LRRK2: variants seen among roughly 807,000 people sequenced by gnomAD.
LRRK2 encodes the protein leucine rich repeat kinase 2.
Under a neutral mutation model 302.6 loss-of-function variants are expected in LRRK2, and 203 were observed. The observed-to-expected ratio is 0.67, with a 90% CI of 0.60 to 0.75. The LOEUF is 0.75. Among genes scored for constraint, LRRK2 ranks in the 30% least tolerant of loss-of-function variants. The pLI is 0.00. For synonymous variants in LRRK2, 1,066 were observed against 1,031.9 expected (o/e 1.03, Z -0.63); for missense variants, 2,830 against 2,951.0 (o/e 0.96, Z 0.95).
chr12:40,290,661 G>A (rs1944109855), intron 20 of LRRK2, among the ~76,000 whole-genome samples: 1 of 151,908 alleles, frequency 6.6e-6, no homozygotes, highest in African/African-American at 2.4e-5. Context: ...CATATAAGTT[G>A]CCAAATTTAT....
chr12:40,304,409 A>G (rs980941798), intron 27 of LRRK2: 2 of 519,540 alleles, frequency 3.8e-6, no homozygotes, highest in Non-Finnish European at 6.8e-6. Context: ...TAATACTTCC[A>G]CTAAACAATA....
At position 40,351,902 on chromosome 12, in the gene LRRK2, A is replaced by G. The variant is rs562496268; in HGVS notation, c.6576+169A>G. Among the ~76,000 whole-genome samples the G allele has an allele frequency of 5.3e-5, 8 of 152,328 alleles. No homozygotes were observed. In the South Asian group the frequency reaches 1.7e-3, roughly 32 times the overall value. On this transcript the variant is annotated intron_variant, in intron 44 of 50. Coordinates refer to ENST00000298910, the MANE Select transcript of LRRK2 (RefSeq NM_198578.4). ...GTGTTTTGCTTTAGAATCACAGCAT[A>G]TGTCTTAGCTCAGGGTCCCTAGAAA...
rs781408414 is a variant in LRRK2, at chr12:40,298,363, T to G, written c.3217T>G (p.Ser1073Ala). 1.2e-6 allele frequency: 2 copies of G among 1,614,012 alleles called. No individual in the cohort carries two copies. The highest frequency in any genetic ancestry group is 1.7e-6 in the Non-Finnish European group (2 of 1,179,962). ...TGTCTCTCGAAATGACATTGGACCC[T>G]CAGTGGTTTTAGATCCTACAGTGAA... ...LDVSRNDIGP[S>A]VVLDPTVKCP... Residue 1073 changes from serine (S) to alanine (A), a missense_variant, in exon 24 of 51, where the codon TCA (serine) becomes GCA (alanine). Physicochemically the swap from Ser to Ala is moderately conservative, Grantham distance 99. Transcript: ENST00000298910.
rs746701556 is a variant in LRRK2 at position 40,304,035 on chromosome 12, A to G, written c.3678A>G (p.Leu1226=). The G allele has an allele frequency of 4.3e-6, 7 of 1,613,772 alleles. No individual in the cohort carries two copies. The Admixed American group carries it at 1.2e-4, about 27-fold the overall frequency. The change falls in exon 27 of 51, where the codon TTA becomes TTG. Residue 1226 remains leucine (L), a synonymous_variant. Transcript: ENST00000298910. Reference sequence around the variant, plus strand: ...AATCTTTGAACTTAAGGGAACTCTTATTTAGCCATAATCAGATCAGCATCT... The same window carrying G: ...AATCTTTGAACTTAAGGGAACTCTTGTTTAGCCATAATCAGATCAGCATCT... ...HWKSLNLREL[L]FSHNQISILD...
At chr12:40,252,175 A>G (rs1200559357) in intron 10 of LRRK2, among the ~76,000 whole-genome samples, 1 of 152,184 alleles carries the variant, frequency 6.6e-6, no homozygotes, top group African/African-American at 2.4e-5. Flanking sequence ...CTGATTGATT[A>G]TACTTGTGCT....
intron 3 of LRRK2, 155 bp downstream of exon 3, chr12:40,232,538 T>C (rs1460317728): frequency 3.1e-6 from 2 of 642,576 alleles, no homozygotes; most frequent in South Asian, 1.8e-5. Context: ...TTTACATTTA[T>C]AGAGAGCTTT....
chr12:40,300,789 A>G (rs1372466906), intron 25 of LRRK2: 2 of 471,142 alleles, frequency 4.2e-6, no homozygotes, highest in Admixed American at 2.3e-5. Context: ...GTAATTTTAT[A>G]TTGTGGTGCC....
intron 40 of LRRK2, among the ~76,000 whole-genome samples, chr12:40,338,344 T>A (rs917171990): frequency 3.3e-5 from 5 of 152,166 alleles, no homozygotes; most frequent in African/African-American, 7.2e-5. Flanking sequence ...GTCAAATAAA[T>A]GAATGCATTC....
At chr12:40,308,023 G>A (rs888851576) in intron 28 of LRRK2, among the ~76,000 whole-genome samples, 16 of 151,760 alleles carry the variant, frequency 1.1e-4, no homozygotes, top group Non-Finnish European at 1.3e-4. Flanking sequence ...CTCATGATCC[G>A]CCCACCTCGG....
intron 33 of LRRK2, among the ~76,000 whole-genome samples, 166 bp downstream of exon 33, chr12:40,315,466 A>C (rs973486957): frequency 6.6e-6 from 1 of 152,082 alleles, no homozygotes; most frequent in Non-Finnish European, 1.5e-5. Context: ...GAAGAGCTTC[A>C]TGGAAGAAGG....
intron 14 of LRRK2, among the ~76,000 whole-genome samples, chr12:40,270,502 G>A (rs1164395942): frequency 6.6e-6 from 1 of 151,490 alleles, no homozygotes; most frequent in East Asian, 1.9e-4. Context: ...CTTTATATTT[G>A]GACTCCTAAA....
chr12:40,227,862 A>AT (rs890367747), intron 2 of LRRK2: 8 of 151,208 alleles, frequency 5.3e-5, no homozygotes, highest in African/African-American at 9.7e-5. Flanking sequence ...TGCTCAGCTA[A>AT]TTTTTTTTTC....
intron 33 of LRRK2, among the ~76,000 whole-genome samples, chr12:40,316,535 AC>A (rs1317337464): frequency 6.6e-6 from 1 of 152,024 alleles, no homozygotes; most frequent in Non-Finnish European, 1.5e-5. Flanking sequence ...AGCTTGACCT[AC>A]GTTTCAGTCT....
intron 47 of LRRK2, 113 bp downstream of exon 47, chr12:40,359,557 TTTA>T: frequency 1.1e-6 from 1 of 913,234 alleles, no homozygotes; most frequent in South Asian, 1.8e-5. Context: ...AAATGCATAA[TTTA>T]TTTTCTATCA....
chr12:40,369,254 T>C lies in LRRK2; in HGVS notation c.*1489T>C. The C allele has an allele frequency of 6.6e-6, 1 of 151,810 alleles. No individual in the cohort carries two copies. Among genetic ancestry groups the C allele is most frequent in the South Asian group, 2.1e-4 (1 of 4,836 alleles). The allele number at this position is 151,810 out of a possible 1,614,324, so 9.4% of individuals were successfully genotyped here. A position where few individuals can be genotyped will look rare whatever the true frequency, so the allele number is the denominator to read the frequency against. ...TAAAAAAATGAATACCATATTTAAA[T>C]GGAATAATAAAGGTTTTTTAAAAAC... On this transcript the variant is annotated 3_prime_UTR_variant, in exon 51 of 51. Transcript: ENST00000298910.
At chr12:40,285,201 G>T (rs185731786) in intron 19 of LRRK2, among the ~76,000 whole-genome samples, 23 of 152,104 alleles carry the variant, frequency 1.5e-4, no homozygotes, top group Admixed American at 1.4e-3. Flanking sequence ...AGTCTGGAAG[G>T]TTCTCTTACA....
At position 40,283,942 on chromosome 12, in the gene LRRK2, A is replaced by T. The variant is rs1321218069; in HGVS notation, c.2309A>T (p.Asp770Val). The stretch of plus-strand genomic sequence containing the variant: ...CTGAATAGTGGATCTCGTGAACAAG[A>T]TGTACGAAAAGCGTTGACGATAAGC... ...LLLNSGSREQ[D>V]VRKALTISIG... The change falls in exon 19 of 51, where the codon GAT (aspartate) becomes GTT (valine). Residue 770 changes from aspartate to valine, a missense_variant. This residue lies in a region of LRRK2 where 2,121 missense variants were observed against 2,148.0 expected (regional missense o/e 0.99). Transcript: ENST00000298910. 2 of 1,613,774 alleles carry T rather than the reference A, an allele frequency of 1.2e-6. No individual in the cohort carries two copies. The highest frequency in any genetic ancestry group is 1.1e-5 in the South Asian group (1 of 91,060).
rs1435069136 is a variant in LRRK2 at position 40,363,638 on chromosome 12, T to C, written c.7181+84T>C. 2.0e-6 allele frequency: 3 copies of C among 1,474,216 alleles called. No homozygotes were observed. In the African/African-American group the frequency reaches 4.2e-5, roughly 21 times the overall value. 91.3% of individuals were successfully genotyped at this position (1,474,216 alleles called of 1,614,324 possible). A position where few individuals can be genotyped will look rare whatever the true frequency, so the allele number is the denominator to read the frequency against. ...CACAGAGGAAGGATTTTTCTTCCTT[T>C]CTGCCTCTGAATAGAGAATTTTTTT... is the stretch of plus-strand genomic sequence containing the variant. On this transcript the variant is annotated intron_variant, in intron 48 of 50. Transcript: ENST00000298910.
chr12:40,270,444 G>A (rs1057151888), intron 14 of LRRK2, among the ~76,000 whole-genome samples: 27 of 152,010 alleles, frequency 1.8e-4, no homozygotes, highest in African/African-American at 6.5e-4. Flanking sequence ...CTTTAGAAAA[G>A]TTTAATTCCC....
Sources: allele counts gnomAD v4.1 joint callset (sites outside exome capture counted in the v4.1 genomes callset), GRCh38; gene constraint gnomAD v4.1.1; regional missense constraint gnomAD v4.1.1; transcripts MANE v1.5; gene names NCBI Gene and HGNC (gene_info 2026-07-23, HGNC 2026-07-21).